VAT1L: variants seen among roughly 807,000 people sequenced by gnomAD.
VAT1L encodes putative NADPH-dependent quinone oxidoreductase VAT1L.
A neutral mutation model predicts 44.1 loss-of-function variants in VAT1L; 34 were observed. The ratio of observed to expected loss-of-function variants is 0.77; its 90% confidence interval spans 0.59 to 1.03. The LOEUF (loss-of-function observed/expected upper bound fraction) is 1.03. VAT1L is among the 50% of genes least tolerant of loss of function. VAT1L has a pLI of 0.00. For missense variants in VAT1L, 615 were observed against 538.8 expected (o/e 1.14, Z -1.40); for synonymous variants, 253 against 202.2 (o/e 1.25, Z -2.13).
In VAT1L at chr16:77,925,050, G is replaced by A. The variant is rs77044921; in HGVS notation, c.1077+40248G>A. Among the ~76,000 whole-genome samples the A allele has an allele frequency of 2.6e-3, 394 of 152,244 alleles. 2 individuals are homozygous for A. The highest frequency in any genetic ancestry group is 9.1e-3 in the African/African-American group (378 of 41,554). ...AGGCTTTTGAGAACATGGGTGGTCC[G>A]TTATGTAAAGCTCCTCATGGAATGT... On this transcript the variant is annotated intron_variant, in intron 7 of 8. Coordinates refer to ENST00000302536, the MANE Select transcript of VAT1L (RefSeq NM_020927.3).
At chr16:77,809,044 C>T (rs560451022) in intron 1 of VAT1L, among the ~76,000 whole-genome samples, 5 of 152,334 alleles carry the variant, frequency 3.3e-5, no homozygotes, top group Non-Finnish European at 7.3e-5. Context: ...ACTGGGAAAA[C>T]TGAGCCATGA....
chr16:77,857,812 T>G (rs1363513578), intron 3 of VAT1L, among the ~76,000 whole-genome samples: 1 of 150,700 alleles, frequency 6.6e-6, no homozygotes, highest in East Asian at 2.0e-4. Context: ...CATAAGTGAT[T>G]TGGATTACCT....
At chr16:77,826,143 C>T (rs35807388) in intron 3 of VAT1L, among the ~76,000 whole-genome samples, 17,110 of 147,320 alleles carry the variant, frequency 0.12, 1,037 homozygotes, top group South Asian at 0.21. Context: ...GGAGGCAGAG[C>T]TTGCAGTGAG....
chr16:77,820,597 A>G lies in VAT1L; in HGVS notation c.363+3547A>G, dbSNP rs73574868. Reference sequence around the variant, plus strand: ...ACAGCTTGTCTTAGCAACACCAAGAAGATGGAAACTGGCTAGAACAAAGGA... The same window carrying G: ...ACAGCTTGTCTTAGCAACACCAAGAGGATGGAAACTGGCTAGAACAAAGGA... On this transcript the variant is annotated intron_variant, in intron 2 of 8. Coordinates refer to ENST00000302536, the MANE Select transcript of VAT1L (RefSeq NM_020927.3). Among the ~76,000 whole-genome samples, 985 of 152,284 alleles carry G rather than the reference A, an allele frequency of 6.5e-3. 8 individuals are homozygous for G. The highest frequency in any genetic ancestry group is 0.031 in the Middle Eastern group (9 of 294).
chr16:77,871,800 G>A (rs1261242123), intron 4 of VAT1L, among the ~76,000 whole-genome samples: 1 of 152,156 alleles, frequency 6.6e-6, no homozygotes, highest in Admixed American at 6.5e-5. Context: ...TTGCTCAAGA[G>A]TGTGGCACAC....
intron 8 of VAT1L, among the ~76,000 whole-genome samples, chr16:77,972,816 T>A (rs2018294803): frequency 6.7e-6 from 1 of 149,648 alleles, no homozygotes; most frequent in Non-Finnish European, 1.5e-5. Flanking sequence ...ATAATAAAAA[T>A]AATGTAAAAT....
intron 1 of VAT1L, among the ~76,000 whole-genome samples, chr16:77,804,117 C>T (rs567155109): frequency 1.3e-5 from 2 of 152,170 alleles, no homozygotes; most frequent in African/African-American, 4.8e-5. Flanking sequence ...AGCCAAGCCC[C>T]AAAACACAGA....
rs543800443 is a variant in VAT1L at position 77,859,922 on chromosome 16, G to A, written c.580-2826G>A. Among the ~76,000 whole-genome samples, 10 of 152,094 alleles carry A rather than the reference G, an allele frequency of 6.6e-5. 1 individual carries two copies. The East Asian group carries it at 7.7e-4, about 12-fold the overall frequency. On this transcript the variant is annotated intron_variant, in intron 3 of 8. Coordinates refer to ENST00000302536, the MANE Select transcript of VAT1L (RefSeq NM_020927.3). Reference sequence around the variant, plus strand: ...GCCCTAACCCCCAGTACCTCACAACGTCACTTTATTTGGAGATAGGGTCTT... The same window carrying A: ...GCCCTAACCCCCAGTACCTCACAACATCACTTTATTTGGAGATAGGGTCTT...
At chr16:77,796,390 C>T (rs2015934339) in intron 1 of VAT1L, among the ~76,000 whole-genome samples, 1 of 152,140 alleles carries the variant, frequency 6.6e-6, no homozygotes, top group African/African-American at 2.4e-5. Flanking sequence ...TCTTCACCAC[C>T]CCATGGGGTA....
intron 3 of VAT1L, among the ~76,000 whole-genome samples, chr16:77,845,846 T>G (rs1176793302): frequency 6.6e-6 from 1 of 152,208 alleles, no homozygotes; most frequent in East Asian, 1.9e-4. Context: ...ATCTTTCTAA[T>G]ATTACCCTTA....
intron 7 of VAT1L, among the ~76,000 whole-genome samples, chr16:77,936,870 T>TCTTG: frequency 1.4e-5 from 1 of 70,376 alleles, no homozygotes; most frequent in East Asian, 5.8e-4. Flanking sequence ...TTGTTTGGTT[T>TCTTG]CTTGTTTGTT....
At chr16:77,900,089 C>T (rs35084196) in intron 7 of VAT1L, among the ~76,000 whole-genome samples, 21,599 of 152,160 alleles carry the variant, frequency 0.14, 1,693 homozygotes, top group African/African-American at 0.2. Context: ...ATTTACTTGC[C>T]TTTGTGGGGA....
At chr16:77,912,481 G>A (rs933220582) in intron 7 of VAT1L, among the ~76,000 whole-genome samples, 6 of 152,026 alleles carry the variant, frequency 3.9e-5, no homozygotes, top group African/African-American at 1.4e-4. Context: ...GCAGTGACAT[G>A]GTCACGGCTC....
intron 3 of VAT1L, among the ~76,000 whole-genome samples, chr16:77,831,257 A>T (rs570908781): frequency 1.3e-4 from 20 of 152,348 alleles, no homozygotes; most frequent in Admixed American, 2.6e-4. Context: ...TAAGGGAGAA[A>T]CACAGGGCTT....
chr16:77,957,707 G>A (rs2018119100), intron 7 of VAT1L, among the ~76,000 whole-genome samples: 2 of 151,198 alleles, frequency 1.3e-5, no homozygotes, highest in African/African-American at 4.9e-5. Context: ...CCTGGCGACA[G>A]AACGAGACTC....
At chr16:77,907,678 C>G (rs150038665) in intron 7 of VAT1L, among the ~76,000 whole-genome samples, 156 of 151,962 alleles carry the variant, frequency 1.0e-3, no homozygotes, top group Non-Finnish European at 1.9e-3. Flanking sequence ...CAGGTGTAGA[C>G]ATCATGTTCA....
chr16:77,827,796 A>G (rs1442209439), intron 3 of VAT1L, among the ~76,000 whole-genome samples: 2 of 152,224 alleles, frequency 1.3e-5, no homozygotes, highest in African/African-American at 2.4e-5. Flanking sequence ...GTGGTTTCTC[A>G]TAAGAAATGT....
At position 77,964,750 on chromosome 16, in the gene VAT1L, G is replaced by A. The variant is rs60633715; in HGVS notation, c.1078-7100G>A. Among the ~76,000 whole-genome samples, 889 of 143,616 alleles carry A rather than the reference G, an allele frequency of 6.2e-3. 5 individuals are homozygous for A. Among genetic ancestry groups the A allele is most frequent in the African/African-American group, 0.022 (844 of 38,082 alleles). The allele number at this position is 143,616 out of a possible 152,430, so 94.2% of individuals were successfully genotyped here. A position where few individuals can be genotyped will look rare whatever the true frequency, so the allele number is the denominator to read the frequency against. On this transcript the variant is annotated intron_variant, in intron 7 of 8. Transcript: ENST00000302536. ...AACCCCTCACCATCTATTCTCCATC[G>A]TGGAACACTGCTCACGCCCTTTGTA... is the stretch of plus-strand genomic sequence containing the variant.
intron 4 of VAT1L, 120 bp downstream of exon 4, chr16:77,863,010 G>A: frequency 7.8e-7 from 1 of 1,276,600 alleles, no homozygotes; most frequent in South Asian, 1.5e-5. Context: ...TGGGGGCTTA[G>A]TATTATTAGC....
Sources: allele counts gnomAD v4.1 joint callset (sites outside exome capture counted in the v4.1 genomes callset), GRCh38; gene constraint gnomAD v4.1.1; transcripts MANE v1.5; gene names NCBI Gene and HGNC (gene_info 2026-07-23, HGNC 2026-07-21).